Variants in FMN2 observed in about 807,000 individuals in gnomAD.
The protein encoded by FMN2 is formin-2.
In FMN2, 51 loss-of-function variants were observed where a neutral mutation model predicts 142.3. That is an observed-to-expected ratio of 0.36 (90% CI 0.29 to 0.45). FMN2 has a LOEUF of 0.45. FMN2 is among the 20% of genes least tolerant of loss of function. FMN2 has a pLI of 1.00. For missense variants in FMN2, 1,936 were observed against 2,122.8 expected (o/e 0.91, Z 1.73); for synonymous variants, 882 against 869.8 (o/e 1.01, Z -0.25).
chr1:240,466,156 C>A (rs1377236170), intron 16 of FMN2, among the ~76,000 whole-genome samples: 1 of 152,074 alleles, frequency 6.6e-6, no homozygotes, highest in Non-Finnish European at 1.5e-5. Context: ...GAATTTAAAA[C>A]AAGTTTTAAC....
At chr1:240,397,456 T>C (rs1013182628) in intron 15 of FMN2, among the ~76,000 whole-genome samples, 2 of 152,118 alleles carry the variant, frequency 1.3e-5, no homozygotes, top group African/African-American at 4.8e-5. Flanking sequence ...AAATCTACTT[T>C]TTTCAATGCC....
intron 2 of FMN2, among the ~76,000 whole-genome samples, chr1:240,140,779 T>C (rs1425465873): frequency 6.6e-6 from 1 of 152,210 alleles, no homozygotes; most frequent in African/African-American, 2.4e-5. Flanking sequence ...TTTTAATTAT[T>C]TCAAGCCATG....
intron 14 of FMN2, among the ~76,000 whole-genome samples, chr1:240,362,576 CAT>C (rs955278009): frequency 1.3e-5 from 2 of 152,010 alleles, no homozygotes; most frequent in African/African-American, 4.8e-5. Context: ...ACACAAAAAA[CAT>C]ATTATCGCTG....
rs559569242 is a variant in FMN2 at position 240,463,506 on chromosome 1, G to A, written c.5061-8866G>A. 3.9e-5 allele frequency among the ~76,000 whole-genome samples: 6 copies of A among 152,266 alleles called. No homozygotes were observed. In the East Asian group the frequency reaches 7.7e-4, roughly 20 times the overall value. On this transcript the variant is annotated intron_variant, in intron 16 of 17. Coordinates refer to ENST00000319653, the MANE Select transcript of FMN2 (RefSeq NM_020066.5). ...AGGATTGGATCTAAAAGTCTTCACC[G>A]CAGAAGTGGTAGTTAGAATTACAAA... is the stretch of plus-strand genomic sequence containing the variant.
chr1:240,335,651 C>G (rs1301417029), intron 13 of FMN2, among the ~76,000 whole-genome samples: 1 of 152,028 alleles, frequency 6.6e-6, no homozygotes, highest in Non-Finnish European at 1.5e-5. Context: ...AATGGGTGAC[C>G]CTATTATCAG....
chr1:240,417,411 T>C (rs972728794), intron 15 of FMN2, among the ~76,000 whole-genome samples: 1 of 152,010 alleles, frequency 6.6e-6, no homozygotes, highest in Non-Finnish European at 1.5e-5. Context: ...TTAATTAAAT[T>C]CCCTGCTTTA....
intron 6 of FMN2, among the ~76,000 whole-genome samples, chr1:240,215,545 A>T (rs1666863252): frequency 6.6e-6 from 1 of 152,338 alleles, no homozygotes; most frequent in South Asian, 2.1e-4. Context: ...ACAGTATTTT[A>T]TATGGAGACC....
At chr1:240,413,120 CAAAAA>C (rs35590068) in intron 15 of FMN2, among the ~76,000 whole-genome samples, 729 of 24,570 alleles carry the variant, frequency 0.03, 18 homozygotes, top group African/African-American at 0.078. Flanking sequence ...GAGACTCTGT[CAAAAA>C]AAAAAAAAAA....
chr1:240,157,865 G>A (rs1377923391), intron 2 of FMN2, among the ~76,000 whole-genome samples: 3 of 151,684 alleles, frequency 2.0e-5, no homozygotes, highest in Non-Finnish European at 2.9e-5. Flanking sequence ...GGCCAGACGT[G>A]GTGGCTCACT....
At chr1:240,133,225 G>T (rs1662810641) in intron 2 of FMN2, among the ~76,000 whole-genome samples, 1 of 152,102 alleles carries the variant, frequency 6.6e-6, no homozygotes, top group Admixed American at 6.5e-5. Context: ...GTGTGCAGTT[G>T]GGTGATCACA....
chr1:240,217,345 T>C (rs1478059280), intron 6 of FMN2, among the ~76,000 whole-genome samples: 2 of 152,252 alleles, frequency 1.3e-5, no homozygotes, highest in South Asian at 2.1e-4. Flanking sequence ...TTTGTATTGG[T>C]GTTAATTGTT....
At chr1:240,148,174 G>A (rs1419311547) in intron 2 of FMN2, among the ~76,000 whole-genome samples, 6 of 151,918 alleles carry the variant, frequency 3.9e-5, no homozygotes, top group Admixed American at 1.3e-4. Context: ...AGAGACACAC[G>A]GAGAGAGACA....
chr1:240,186,320 C>T (rs974897847), intron 3 of FMN2, among the ~76,000 whole-genome samples: 1 of 152,144 alleles, frequency 6.6e-6, no homozygotes, highest in East Asian at 1.9e-4. Flanking sequence ...TTCACTCCTA[C>T]AATTACTCAA....
chr1:240,380,443 T>C (rs1318135147), intron 14 of FMN2, among the ~76,000 whole-genome samples: 1 of 152,104 alleles, frequency 6.6e-6, no homozygotes, highest in Non-Finnish European at 1.5e-5. Flanking sequence ...TGAATGAAAC[T>C]AGATACAACT....
At chr1:240,279,141 A>C (rs1282323115) in intron 7 of FMN2, among the ~76,000 whole-genome samples, 2 of 152,176 alleles carry the variant, frequency 1.3e-5, no homozygotes, top group Admixed American at 1.3e-4. Flanking sequence ...TCCTCCAACC[A>C]ATGGTTTCCA....
At chr1:240,246,861 A>G (rs1332076229) in intron 6 of FMN2, among the ~76,000 whole-genome samples, 2 of 152,222 alleles carry the variant, frequency 1.3e-5, no homozygotes, top group Non-Finnish European at 2.9e-5. Context: ...CTAATTTTAT[A>G]GATTTCAAAT....
chr1:240,304,554 T>G (rs1670311751), intron 8 of FMN2, among the ~76,000 whole-genome samples: 1 of 152,154 alleles, frequency 6.6e-6, no homozygotes, highest in South Asian at 2.1e-4. Context: ...TGGGAAAGAT[T>G]AAAAGGAATC....
chr1:240,419,035 G>C (rs868506994), intron 15 of FMN2, among the ~76,000 whole-genome samples: 1 of 152,226 alleles, frequency 6.6e-6, no homozygotes, highest in East Asian at 1.9e-4. Context: ...TTGATCCCGC[G>C]AGGCGGAGGT....
At chr1:240,461,439 C>T (rs138994385) in intron 16 of FMN2, among the ~76,000 whole-genome samples, 123 of 152,188 alleles carry the variant, frequency 8.1e-4, no homozygotes, top group South Asian at 6.4e-3. Flanking sequence ...AGCCAGGTGC[C>T]GTGCTGGGCA....
Sources: gnomAD v4.1 joint callset for allele counts (sites outside exome capture counted in the v4.1 genomes callset) on GRCh38, gnomAD v4.1.1 for gene constraint, MANE v1.5 for transcripts, NCBI Gene and HGNC (gene_info 2026-07-23, HGNC 2026-07-21) for gene names.